Variants in FAT3 observed in about 807,000 individuals in gnomAD.
FAT3 encodes protocadherin Fat 3.
FAT3 carries 95 observed loss-of-function variants against 310.2 expected under a neutral mutation model. The ratio of observed to expected loss-of-function variants is 0.31; its 90% confidence interval spans 0.26 to 0.36. FAT3 has a LOEUF of 0.36. Ranked by LOEUF, FAT3 falls within the 10% of genes least tolerant of loss-of-function variation. FAT3 has a pLI of 1.00. For missense variants in FAT3, 5,408 were observed against 5,715.6 expected (o/e 0.95, Z 1.74); for synonymous variants, 2,314 against 2,192.9 (o/e 1.06, Z -1.54).
intron 3 of FAT3, among the ~76,000 whole-genome samples, chr11:92,619,653 A>G (rs1275272361): frequency 6.6e-6 from 1 of 151,800 alleles, no homozygotes; most frequent in African/African-American, 2.4e-5. Flanking sequence ...GTTGTAATAT[A>G]GTTATTCATA....
intron 3 of FAT3, among the ~76,000 whole-genome samples, chr11:92,685,491 A>G (rs1029985210): frequency 3.3e-5 from 5 of 152,060 alleles, no homozygotes; most frequent in Admixed American, 6.6e-5. Flanking sequence ...TCCCATATGT[A>G]TAGACCATTA....
At chr11:92,446,445 C>T (rs185771204) in intron 2 of FAT3, among the ~76,000 whole-genome samples, 2 of 152,244 alleles carry the variant, frequency 1.3e-5, no homozygotes, top group Non-Finnish European at 2.9e-5. Flanking sequence ...CCACCAACTC[C>T]TCAATGAGAT....
chr11:92,825,079 T>C (rs547589648), intron 13 of FAT3, among the ~76,000 whole-genome samples: 21 of 152,354 alleles, frequency 1.4e-4, no homozygotes, highest in Non-Finnish European at 1.5e-5. Flanking sequence ...AACTAAATGT[T>C]CCTTAATAAA....
intron 1 of FAT3, among the ~76,000 whole-genome samples, chr11:92,346,936 A>AT (rs1290828731): frequency 6.6e-6 from 1 of 152,130 alleles, no homozygotes; most frequent in Admixed American, 6.6e-5. Context: ...TGATTCCCAG[A>AT]TTTTGTCTTC....
At position 92,366,895 on chromosome 11, in the gene FAT3, A is replaced by AC. The variant is rs1297469817; in HGVS notation, c.3292+11492dup. On this transcript the variant is annotated intron_variant, in intron 2 of 27. Coordinates refer to ENST00000525166, the MANE Select transcript of FAT3 (RefSeq NM_001367949.2). ...GCTTCATTAGAGGTGGTGGGACATC[A>AC]CAGGTGCACCTCCAGATCTTTACCT... 3 of 533,526 alleles carry AC rather than the reference A, an allele frequency of 5.6e-6. No homozygotes were observed. The Admixed American group carries it at 5.8e-5, about 10-fold the overall frequency. The allele number at this position is 533,526 out of a possible 1,614,324, so 33.0% of individuals were successfully genotyped here. A position where few individuals can be genotyped will look rare whatever the true frequency, so the allele number is the denominator to read the frequency against.
At chr11:92,494,847 C>G (rs1423132365) in intron 2 of FAT3, among the ~76,000 whole-genome samples, 5 of 152,124 alleles carry the variant, frequency 3.3e-5, no homozygotes, top group Admixed American at 6.6e-5. Context: ...TATTGACCAT[C>G]AGGAACGGTT....
chr11:92,748,169 C>T (rs1417098668), intron 4 of FAT3, among the ~76,000 whole-genome samples: 1 of 152,196 alleles, frequency 6.6e-6, no homozygotes, highest in Non-Finnish European at 1.5e-5. Context: ...GGCAGTCTCA[C>T]AATCATGGTG....
rs370507221 is a variant in FAT3 at position 92,604,255 on chromosome 11, A to G, written c.3607+79307A>G. 1.5e-4 allele frequency among the ~76,000 whole-genome samples: 23 copies of G among 152,308 alleles called. No individual in the cohort carries two copies. The South Asian group carries it at 4.8e-3, about 32-fold the overall frequency. Reference sequence around the variant, plus strand: ...TGCTTTGTAAAAGGTAGATACTAATATATATGGACCAGTTTGCTGAGTAGA... The same window carrying G: ...TGCTTTGTAAAAGGTAGATACTAATGTATATGGACCAGTTTGCTGAGTAGA... On this transcript the variant is annotated intron_variant, in intron 3 of 27. Transcript: ENST00000525166.
chr11:92,846,827 A>C (rs1333675079), intron 19 of FAT3, among the ~76,000 whole-genome samples: 1 of 152,222 alleles, frequency 6.6e-6, no homozygotes, highest in Non-Finnish European at 1.5e-5. Context: ...AGTCAGGCCA[A>C]GCTCTCAGCC....
At chr11:92,850,202 T>C (rs535413534) in intron 19 of FAT3, among the ~76,000 whole-genome samples, 1 of 152,298 alleles carries the variant, frequency 6.6e-6, no homozygotes, top group South Asian at 2.1e-4. Context: ...CTATTAATCT[T>C]AACAGGTTAA....
At chr11:92,861,886 T>A (rs1053605491) in intron 21 of FAT3, among the ~76,000 whole-genome samples, 1 of 152,178 alleles carries the variant, frequency 6.6e-6, no homozygotes, top group Admixed American at 6.5e-5. Context: ...GCACATTCTC[T>A]AAAAAGTACT....
intron 1 of FAT3, among the ~76,000 whole-genome samples, chr11:92,228,628 T>C (rs1864023500): frequency 6.6e-6 from 1 of 152,226 alleles, no homozygotes; most frequent in South Asian, 2.1e-4. Flanking sequence ...AGAGGGTATT[T>C]AGTCATTACC....
chr11:92,399,604 T>C (rs1250340366), intron 2 of FAT3, among the ~76,000 whole-genome samples: 1 of 152,110 alleles, frequency 6.6e-6, no homozygotes, highest in Admixed American at 6.5e-5. Flanking sequence ...ACTTGGTTGG[T>C]GGGAGCAGAA....
chr11:92,330,965 GGTGT>G (rs375080524), intron 1 of FAT3, among the ~76,000 whole-genome samples: 4,809 of 135,892 alleles, frequency 0.035, 118 homozygotes, highest in Non-Finnish European at 0.044. Flanking sequence ...AGGAGTAAAG[GGTGT>G]GTGTGTGTGT....
intron 2 of FAT3, among the ~76,000 whole-genome samples, chr11:92,409,636 G>A (rs1950208687): frequency 6.6e-6 from 1 of 151,958 alleles, no homozygotes; most frequent in Admixed American, 6.6e-5. Context: ...TCATTTTTTT[G>A]GTCCCAGTCC....
intron 19 of FAT3, among the ~76,000 whole-genome samples, chr11:92,849,973 G>T (rs936247877): frequency 1.3e-4 from 20 of 152,162 alleles, no homozygotes; most frequent in Non-Finnish European, 2.8e-4. Flanking sequence ...GGTAAAGCAG[G>T]CCTGCTGACA....
chr11:92,843,493 C>T (rs1948597928), intron 18 of FAT3, among the ~76,000 whole-genome samples: 1 of 152,174 alleles, frequency 6.6e-6, no homozygotes, highest in South Asian at 2.1e-4. Context: ...TAAACTATGT[C>T]ATTTCTTAAA....
chr11:92,667,345 C>T (rs1942987494), intron 3 of FAT3, among the ~76,000 whole-genome samples: 1 of 152,082 alleles, frequency 6.6e-6, no homozygotes, highest in Non-Finnish European at 1.5e-5. Context: ...GTGCTTCTTG[C>T]CCTTCTCCAC....
At chr11:92,718,810 T>C (rs924285027) in intron 4 of FAT3, among the ~76,000 whole-genome samples, 1 of 152,198 alleles carries the variant, frequency 6.6e-6, no homozygotes, top group Non-Finnish European at 1.5e-5. Context: ...CCAGTCCTGA[T>C]GCTTACAGTC....
Sources: gnomAD v4.1 joint callset for allele counts (sites outside exome capture counted in the v4.1 genomes callset) on GRCh38, gnomAD v4.1.1 for gene constraint, MANE v1.5 for transcripts, NCBI Gene and HGNC (gene_info 2026-07-23, HGNC 2026-07-21) for gene names.